TRIM54: variants seen among roughly 807,000 people sequenced by gnomAD.
TRIM54 encodes tripartite motif containing 54.
In TRIM54, 40 loss-of-function variants were observed where a neutral mutation model predicts 42.0. The ratio of observed to expected loss-of-function variants is 0.95; its 90% CI spans 0.74 to 1.24. TRIM54 has a LOEUF of 1.24. Ranked by LOEUF, TRIM54 falls within the 50% of genes most tolerant of loss-of-function variation. The probability of loss-of-function intolerance (pLI) is 0.00; values close to 1 mark genes in which losing one functional copy is unlikely to be tolerated. For missense variants in TRIM54, 485 were observed against 480.3 expected, an observed-to-expected ratio of 1.01 and a Z score of -0.09; for synonymous variants, 199 against 194.9, an observed-to-expected ratio of 1.02 and a Z score of -0.17.
Position 27,307,376 on chromosome 2 carries a change from C to G in TRIM54, c.*491C>G. On this transcript the variant is annotated 3_prime_UTR_variant, in exon 9 of 9. Coordinates refer to ENST00000380075, the MANE Select transcript of TRIM54 (RefSeq NM_187841.3). The surrounding 1 kb of genome is among the most constrained non-coding windows in gnomAD (Gnocchi z 6.9). ...CGGGTTCCCACGCTGCTGTGACTGCCCTGCCTCTACGACAAAAGCCAACGG... is the reference window on the plus strand; with the variant it reads ...CGGGTTCCCACGCTGCTGTGACTGCGCTGCCTCTACGACAAAAGCCAACGG... The G allele has an allele frequency of 7.3e-7, 1 of 1,378,886 alleles. No homozygotes were observed. The highest frequency in any genetic ancestry group is 2.4e-5 in the Admixed American group (1 of 42,214). 85.4% of individuals were successfully genotyped at this position (1,378,886 alleles called of 1,614,324 possible). A position where few individuals can be genotyped will look rare whatever the true frequency, so the allele number is the denominator to read the frequency against.
In TRIM54 at chr2:27,298,740, G is replaced by T. The variant is rs576214685; in HGVS notation, c.341+1G>T. 1 of 1,613,628 alleles carries T rather than the reference G, an allele frequency of 6.2e-7. No individual in the cohort carries two copies. The highest frequency in any genetic ancestry group is 2.2e-5 in the East Asian group (1 of 44,874). ...ACATTTACAAGCAGGAGTCATCCAG[G>T]TGAGCCACCAGAGTCTCTTGCCTCT... On this transcript the variant is annotated splice_donor_variant, in intron 2 of 8. Coordinates refer to ENST00000380075, the MANE Select transcript of TRIM54 (RefSeq NM_187841.3). LOFTEE classifies it high-confidence loss of function.
chr2:27,303,800 C>A (rs1266918178), intron 3 of TRIM54, among the ~76,000 whole-genome samples: 5 of 152,010 alleles, frequency 3.3e-5, no homozygotes, highest in Non-Finnish European at 5.9e-5. Flanking sequence ...AGATTTAGGA[C>A]CCCCCACAAA....
chr2:27,299,675 CCTATCTATCTATCTATCTATCTAT>C, intron 3 of TRIM54: 1 of 579,260 alleles, frequency 1.7e-6, no homozygotes, highest in South Asian at 2.1e-5. Flanking sequence ...CGCACTCAGC[CCTATCTATCTATCTATCTATCTAT>C]CTATCTATCT....
chr2:27,305,886 G>A (rs1160581473), intron 5 of TRIM54, 69 bp downstream of exon 5: 33 of 1,424,966 alleles, frequency 2.3e-5, no homozygotes, highest in Non-Finnish European at 2.8e-5. Flanking sequence ...CTGGAGTCCC[G>A]GGTTCAAGTC....
chr2:27,284,003 G>C (rs1164911350), intron 1 of TRIM54, among the ~76,000 whole-genome samples: 1 of 152,042 alleles, frequency 6.6e-6, no homozygotes, highest in Non-Finnish European at 1.5e-5. Flanking sequence ...CGTGGTTGCA[G>C]GCGCCTGTAG....
At chr2:27,295,558 G>T (rs892548427) in intron 1 of TRIM54, among the ~76,000 whole-genome samples, 1 of 152,054 alleles carries the variant, frequency 6.6e-6, no homozygotes, top group Admixed American at 6.6e-5. Flanking sequence ...CACCCACCTC[G>T]GCCTCCCAAA....
rs570026223 is a variant in TRIM54, at chr2:27,291,310, G to A, written c.169-7257G>A. On this transcript the variant is annotated intron_variant, in intron 1 of 8. Coordinates refer to ENST00000380075, the MANE Select transcript of TRIM54 (RefSeq NM_187841.3). ...GCAGAGGTTGCAGTGAGCCGAGATC[G>A]TGCCACTGCATTCTAGCCTGGGCTA... is the stretch of plus-strand genomic sequence containing the variant. Among the ~76,000 whole-genome samples the A allele has an allele frequency of 6.6e-5, 10 of 152,314 alleles. No homozygotes were observed. In the South Asian group the frequency reaches 1.4e-3, roughly 22 times the overall value.
intron 1 of TRIM54, among the ~76,000 whole-genome samples, chr2:27,285,658 C>A (rs894453328): frequency 3.3e-5 from 5 of 152,194 alleles, no homozygotes; most frequent in Admixed American, 6.5e-5. Context: ...CCCATCGCCC[C>A]CCACCTGCCT....
Position 27,298,749 on chromosome 2 carries a change from CAG to C in TRIM54, c.341+13_341+14del. 6.2e-7 allele frequency: 1 copy of C among 1,612,754 alleles called. No individual in the cohort carries two copies. Among genetic ancestry groups the C allele is most frequent in the South Asian group, 1.1e-5 (1 of 90,880 alleles). On this transcript the variant is annotated intron_variant, in intron 2 of 8. Transcript: ENST00000380075. Reference sequence around the variant, plus strand: ...AGCAGGAGTCATCCAGGTGAGCCACCAGAGTCTCTTGCCTCTCTCATGACAGG... The same window carrying C: ...AGCAGGAGTCATCCAGGTGAGCCACCAGTCTCTTGCCTCTCTCATGACAGG...
intron 1 of TRIM54, among the ~76,000 whole-genome samples, chr2:27,295,203 C>T (rs1027502398): frequency 4.0e-5 from 6 of 151,684 alleles, no homozygotes; most frequent in South Asian, 4.2e-4. Flanking sequence ...CTCAGCCTCC[C>T]GAGTAGCTGG....
At chr2:27,288,639 C>CT (rs893129851) in intron 1 of TRIM54, among the ~76,000 whole-genome samples, 1 of 152,184 alleles carries the variant, frequency 6.6e-6, no homozygotes, top group African/African-American at 2.4e-5. Context: ...TAACAGTCCT[C>CT]TGTGTTTGTG....
Position 27,299,597 on chromosome 2 carries a change from A to G in TRIM54, c.513+181A>G, listed in dbSNP as rs1172070817. 4 of 1,356,664 alleles carry G rather than the reference A, an allele frequency of 2.9e-6. No individual in the cohort carries two copies. In the East Asian group the frequency reaches 1.0e-4, roughly 34 times the overall value. The allele number at this position is 1,356,664 out of a possible 1,614,324, so 84.0% of individuals were successfully genotyped here. A position where few individuals can be genotyped will look rare whatever the true frequency, so the allele number is the denominator to read the frequency against. Reference sequence around the variant, plus strand: ...ACAAACACAACTTACTGCAGCCTTGATCTCCCGAGCTCAAGTGATCCTCCC... The same window carrying G: ...ACAAACACAACTTACTGCAGCCTTGGTCTCCCGAGCTCAAGTGATCCTCCC... On this transcript the variant is annotated intron_variant, in intron 3 of 8. Coordinates refer to ENST00000380075, the MANE Select transcript of TRIM54 (RefSeq NM_187841.3).
chr2:27,290,598 A>G (rs1678694770), intron 1 of TRIM54, among the ~76,000 whole-genome samples: 1 of 152,204 alleles, frequency 6.6e-6, no homozygotes, highest in African/African-American at 2.4e-5. Context: ...GTGAGCCGAG[A>G]TTGTGCCACT....
At chr2:27,304,243 G>GATAGAT (rs1419768712) in intron 3 of TRIM54, among the ~76,000 whole-genome samples, 1 of 116,546 alleles carries the variant, frequency 8.6e-6, no homozygotes, top group Non-Finnish European at 1.8e-5. Context: ...TAGATAGATA[G>GATAGAT]ATAGATATAG....
At chr2:27,304,688 T>C in intron 3 of TRIM54, 1 of 379,444 alleles carries the variant, frequency 2.6e-6, no homozygotes, top group South Asian at 7.5e-5. Context: ...ACAGATAAAG[T>C]ATCTAGCCCA....
At position 27,298,749 on chromosome 2, in the gene TRIM54, C is replaced by G. The variant is rs1259410486; in HGVS notation, c.341+10C>G. On this transcript the variant is annotated intron_variant, in intron 2 of 8. Coordinates refer to ENST00000380075, the MANE Select transcript of TRIM54 (RefSeq NM_187841.3). ...AGCAGGAGTCATCCAGGTGAGCCAC[C>G]AGAGTCTCTTGCCTCTCTCATGACA... 1 of 1,612,754 alleles carries G rather than the reference C, an allele frequency of 6.2e-7. No individual in the cohort carries two copies. The highest frequency in any genetic ancestry group is 2.2e-5 in the East Asian group (1 of 44,868).
chr2:27,293,016 G>T (rs1373676918), intron 1 of TRIM54, among the ~76,000 whole-genome samples: 1 of 151,998 alleles, frequency 6.6e-6, no homozygotes, highest in Non-Finnish European at 1.5e-5. Context: ...TTCTTCTCCA[G>T]TTTTGATCAC....
At chr2:27,292,247 A>T (rs1477321399) in intron 1 of TRIM54, among the ~76,000 whole-genome samples, 1 of 152,198 alleles carries the variant, frequency 6.6e-6, no homozygotes, top group African/African-American at 2.4e-5. Context: ...ATTGGCCAAG[A>T]TAGCCCAAGT....
intron 1 of TRIM54, among the ~76,000 whole-genome samples, chr2:27,291,705 G>T (rs1678725535): frequency 6.6e-6 from 1 of 152,214 alleles, no homozygotes; most frequent in South Asian, 2.1e-4. Flanking sequence ...TGGCCAGAAA[G>T]ACTAGCAAAG....
Sources: allele counts gnomAD v4.1 joint callset (sites outside exome capture counted in the v4.1 genomes callset), GRCh38; gene constraint gnomAD v4.1.1; non-coding constraint Gnocchi (gnomAD v3.1); transcripts MANE v1.5; gene names NCBI Gene and HGNC (gene_info 2026-07-23, HGNC 2026-07-21).